The following CASD1 variants were observed in gnomAD, a reference collection of about 807,000 sequenced individuals.
CASD1 encodes the protein CAS1 domain sialic acid O acetyltransferase 1.
CASD1 carries 41 observed loss-of-function variants against 100.0 expected under a neutral mutation model. The ratio of observed to expected loss-of-function variants is 0.41; its 90% CI spans 0.32 to 0.53. The LOEUF (loss-of-function observed/expected upper bound fraction) is 0.53. Among genes scored for constraint, CASD1 ranks in the 20% least tolerant of loss-of-function variants. The probability of loss-of-function intolerance (pLI) is 0.25; values close to 1 mark genes in which losing one functional copy is unlikely to be tolerated. For missense variants in CASD1, 774 were observed against 948.7 expected, an observed-to-expected ratio of 0.82 and a Z score of 2.42; for synonymous variants, 321 against 315.6, an observed-to-expected ratio of 1.02 and a Z score of -0.18.
chr7:94,540,297 C>T (rs1795333529), intron 10 of CASD1, among the ~76,000 whole-genome samples: 1 of 152,100 alleles, frequency 6.6e-6, no homozygotes, highest in Non-Finnish European at 1.5e-5. Flanking sequence ...CATCTGTAAA[C>T]AGTACGTGCA....
chr7:94,518,876 TA>T (rs1794110491), intron 3 of CASD1, among the ~76,000 whole-genome samples: 1 of 152,188 alleles, frequency 6.6e-6, no homozygotes, highest in East Asian at 1.9e-4. Flanking sequence ...ATTTTGCAGT[TA>T]AAAAATACAT....
In CASD1 at chr7:94,537,959, G is replaced by T; in HGVS notation, c.1266+65G>T. ...GTCTCATTACATACTCTGTGTTAAA[G>T]AACTAATATCATTTATCATGACAAA... On this transcript the variant is annotated intron_variant, in intron 9 of 17. Coordinates refer to ENST00000297273, the MANE Select transcript of CASD1 (RefSeq NM_022900.5). The T allele has an allele frequency of 4.5e-6, 4 of 886,316 alleles. 1 individual carries two copies. 54.9% of individuals were successfully genotyped at this position (886,316 alleles called of 1,614,324 possible).
chr7:94,547,203 T>C, intron 13 of CASD1, 28 bp downstream of exon 13: 1 of 1,463,432 alleles, frequency 6.8e-7, no homozygotes, highest in Non-Finnish European at 9.2e-7. Flanking sequence ...AGTTTATATT[T>C]TTTCATATTT....
In CASD1 at chr7:94,509,845, G is replaced by A; in HGVS notation, c.-240G>A. 1 of 1,007,356 alleles carries A rather than the reference G, an allele frequency of 9.9e-7. No homozygotes were observed. The highest frequency in any genetic ancestry group is 1.2e-6 in the Non-Finnish European group (1 of 844,878). The allele number at this position is 1,007,356 out of a possible 1,614,324, so 62.4% of individuals were successfully genotyped here. A position where few individuals can be genotyped will look rare whatever the true frequency, so the allele number is the denominator to read the frequency against. On this transcript the variant is annotated 5_prime_UTR_variant, in exon 1 of 18. Transcript: ENST00000297273. ...CCAGGGCGCCTGGGGAACCGGCACG[G>A]CGGAGCAGCGGCGGCGGGGCTGGGG...
At chr7:94,583,415 G>T in the CASD1 span, among the ~76,000 whole-genome samples, 13,145 of 152,150 alleles carry the variant, frequency 0.086, 1,926 homozygotes, top group African/African-American at 0.3. Context: ...CAAGCTTGGT[G>T]GGAGAAGGCC....
the CASD1 span, among the ~76,000 whole-genome samples, chr7:94,574,970 AAAAC>A: frequency 1.3e-4 from 20 of 152,228 alleles, no homozygotes; most frequent in African/African-American, 2.9e-4. Context: ...ACTCCATCTC[AAAAC>A]AAACAAACAA....
At chr7:94,525,994 T>C (rs1426288298) in intron 3 of CASD1, among the ~76,000 whole-genome samples, 1 of 152,182 alleles carries the variant, frequency 6.6e-6, no homozygotes, top group Non-Finnish European at 1.5e-5. Flanking sequence ...TGTAGAACAT[T>C]TGGTTACAAG....
rs1284365482 is a variant in CASD1, at chr7:94,510,024, CTGCCCCT to C, written c.-60_-54del. The stretch of plus-strand genomic sequence containing the variant: ...GGCTGCAGCGGCGGCAGCCCCAGTG[CTGCCCCT>C]GTGCGGCGCCCCTTTCCCGCTCCGC... On this transcript the variant is annotated 5_prime_UTR_variant, in exon 1 of 18. Transcript: ENST00000297273. The C allele has an allele frequency of 5.6e-6, 8 of 1,436,368 alleles. No individual in the cohort carries two copies. In the Admixed American group the frequency reaches 7.1e-5, roughly 13 times the overall value. 89.0% of individuals were successfully genotyped at this position (1,436,368 alleles called of 1,614,324 possible).
chr7:94,612,762 C>A, the CASD1 span, among the ~76,000 whole-genome samples: 5 of 152,126 alleles, frequency 3.3e-5, no homozygotes, highest in Non-Finnish European at 7.3e-5. Flanking sequence ...AAACTGAGCT[C>A]ATCATTACCC....
intron 12 of CASD1, among the ~76,000 whole-genome samples, chr7:94,546,299 A>G (rs1343658115): frequency 6.6e-6 from 1 of 152,014 alleles, no homozygotes; most frequent in African/African-American, 2.4e-5. Context: ...GTTACTAATA[A>G]TGTTCAAAGT....
chr7:94,612,428 T>G, the CASD1 span, among the ~76,000 whole-genome samples: 1 of 152,196 alleles, frequency 6.6e-6, no homozygotes, highest in Non-Finnish European at 1.5e-5. Flanking sequence ...TAAAATATAA[T>G]TTTGTATCCT....
intron 3 of CASD1, among the ~76,000 whole-genome samples, chr7:94,526,069 G>A (rs771300526): frequency 2.6e-5 from 4 of 152,142 alleles, no homozygotes; most frequent in Non-Finnish European, 5.9e-5. Context: ...TTTTCAAAGT[G>A]AAACCTATAG....
the CASD1 span, among the ~76,000 whole-genome samples, chr7:94,623,069 T>C: frequency 1.3e-5 from 2 of 152,200 alleles, no homozygotes; most frequent in Non-Finnish European, 2.9e-5. Context: ...AGTCCCATTT[T>C]AAGGTAATGA....
rs553131283 is a variant in CASD1 at position 94,528,433 on chromosome 7, A to G, written c.459+183A>G. 2.6e-5 allele frequency among the ~76,000 whole-genome samples: 4 copies of G among 152,192 alleles called. No homozygotes were observed. The South Asian group carries it at 6.2e-4, about 24-fold the overall frequency. ...ATTGAGAAGAGAAGATGTAGATCCA[A>G]TATCTCTGCTCCATTATCACCATTC... On this transcript the variant is annotated intron_variant, in intron 5 of 17. Coordinates refer to ENST00000297273, the MANE Select transcript of CASD1 (RefSeq NM_022900.5).
At chr7:94,620,644 C>T in the CASD1 span, 1 of 152,168 alleles carries the variant, frequency 6.6e-6, no homozygotes, top group Non-Finnish European at 1.5e-5. Flanking sequence ...TCATTTCATT[C>T]AATGTTTTTA....
At chr7:94,524,286 A>G (rs1794435049) in intron 3 of CASD1, 1 of 152,152 alleles carries the variant, frequency 6.6e-6, no homozygotes, top group Non-Finnish European at 1.5e-5. Flanking sequence ...TAAAGAAAAA[A>G]GATAAGCCAC....
Position 94,518,232 on chromosome 7 carries a change from A to G in CASD1, c.260A>G (p.His87Arg). 6.4e-7 allele frequency: 1 copy of G among 1,570,858 alleles called. No individual in the cohort carries two copies. Among genetic ancestry groups the G allele is most frequent in the Non-Finnish European group, 8.6e-7 (1 of 1,164,678 alleles). ...GCAAAGAACTGCCTTGTAGATAAAC[A>G]TATTGCATTTATTGGAGATTCCAGA... ...SEAKNCLVDK[H>R]IAFIGDSRIR... Residue 87 changes from histidine to arginine, a missense_variant, in exon 3 of 18, where the codon CAT becomes CGT. Around this residue, in one of 5 missense-constraint regions of CASD1, gnomAD observed 61 missense variants for 115.9 expected, o/e 0.53. Transcript: ENST00000297273.
At chr7:94,521,814 G>A (rs1238575385) in intron 3 of CASD1, among the ~76,000 whole-genome samples, 3 of 152,220 alleles carry the variant, frequency 2.0e-5, no homozygotes, top group East Asian at 1.9e-4. Context: ...AGCCAGGCAC[G>A]GTGGCTCATG....
At position 94,545,542 on chromosome 7, in the gene CASD1, T is replaced by C. The variant is rs3793326; in HGVS notation, c.1477-3T>C. The C allele has an allele frequency of 0.58, 923,635 of 1,589,328 alleles. 273,651 individuals are homozygous for C. The highest frequency in any genetic ancestry group is 0.72 in the East Asian group (32,258 of 44,566). On this transcript the variant is annotated splice_region_variant and splice_polypyrimidine_tract_variant and intron_variant, in intron 11 of 17. Coordinates refer to ENST00000297273, the MANE Select transcript of CASD1 (RefSeq NM_022900.5). ...GAAACCATTTTCTTCTCCTTTTCAA[T>C]AGGTTTTATTTCGTCTCAATTTCCT...
Sources: allele counts gnomAD v4.1 joint callset (sites outside exome capture counted in the v4.1 genomes callset), GRCh38; gene constraint gnomAD v4.1.1; regional missense constraint gnomAD v4.1.1; transcripts MANE v1.5; gene names NCBI Gene and HGNC (gene_info 2026-07-23, HGNC 2026-07-21).